Variants in ARID1A observed in about 807,000 individuals in gnomAD.
ARID1A encodes AT-rich interactive domain-containing protein 1A.
Under a neutral mutation model 212.6 loss-of-function variants are expected in ARID1A, and 20 were observed. The observed-to-expected ratio is 0.09, with a 90% CI of 0.07 to 0.14. The LOEUF (loss-of-function observed/expected upper bound fraction) is 0.14. ARID1A is among the 10% of genes least tolerant of loss of function. The probability of loss-of-function intolerance (pLI) is 1.00; values close to 1 mark genes in which losing one functional copy is unlikely to be tolerated. For missense variants in ARID1A, 2,587 were observed against 3,059.0 expected (o/e 0.85, Z 3.64); for synonymous variants, 1,376 against 1,222.1 (o/e 1.13, Z -2.63).
At chr1:26,699,197 T>G (rs538391429) in intron 1 of ARID1A, among the ~76,000 whole-genome samples, 1 of 152,252 alleles carries the variant, frequency 6.6e-6, no homozygotes, top group Non-Finnish European at 1.5e-5. Flanking sequence ...TTCCAAGATA[T>G]GAAGATACGA....
At chr1:26,738,715 C>T (rs1034929309) in intron 4 of ARID1A, among the ~76,000 whole-genome samples, 6 of 151,928 alleles carry the variant, frequency 3.9e-5, no homozygotes, top group Admixed American at 3.9e-4. Context: ...TGCGCCACCA[C>T]TCCCGGCTAG....
At chr1:26,707,824 C>T (rs2080407847) in intron 1 of ARID1A, among the ~76,000 whole-genome samples, 1 of 152,030 alleles carries the variant, frequency 6.6e-6, no homozygotes, top group Middle Eastern at 3.2e-3. Flanking sequence ...GAAATTTGCC[C>T]TAGGGAAAAT....
At chr1:26,730,825 A>G (rs558019510) in intron 2 of ARID1A, among the ~76,000 whole-genome samples, 4 of 152,238 alleles carry the variant, frequency 2.6e-5, no homozygotes, top group Non-Finnish European at 5.9e-5. Flanking sequence ...CCTAACACTT[A>G]TAAAAACAGT....
At chr1:26,734,376 C>CTACATGCCTTCTTT (rs2080709302) in intron 4 of ARID1A, among the ~76,000 whole-genome samples, 1 of 134,192 alleles carries the variant, frequency 7.5e-6, no homozygotes, top group Non-Finnish European at 1.5e-5. Flanking sequence ...CCTGAGAAGG[C>CTACATGCCTTCTTT]TTGTATCCAG....
At chr1:26,737,805 C>T (rs1371955102) in intron 4 of ARID1A, among the ~76,000 whole-genome samples, 1 of 150,640 alleles carries the variant, frequency 6.6e-6, no homozygotes, top group Non-Finnish European at 1.5e-5. Context: ...GCAGAGGTTG[C>T]GGTGAGCCAA....
chr1:26,698,553 C>A (rs751738548), intron 1 of ARID1A, among the ~76,000 whole-genome samples: 1 of 152,172 alleles, frequency 6.6e-6, no homozygotes, highest in Non-Finnish European at 1.5e-5. Context: ...GAGGCAATGG[C>A]ATTTTGCTTG....
chr1:26,734,452 G>A (rs2080710249), intron 4 of ARID1A, among the ~76,000 whole-genome samples: 1 of 151,772 alleles, frequency 6.6e-6, no homozygotes. Context: ...CTGAAGTGAA[G>A]GTGAAGGTGT....
intron 11 of ARID1A, 107 bp downstream of exon 11, chr1:26,768,106 C>T: frequency 3.2e-6 from 4 of 1,241,032 alleles, no homozygotes; most frequent in Non-Finnish European, 4.5e-6. Flanking sequence ...ACATCATCCC[C>T]TCTCCCGCTT....
intron 4 of ARID1A, among the ~76,000 whole-genome samples, chr1:26,736,948 A>C (rs1038436510): frequency 6.6e-6 from 1 of 152,006 alleles, no homozygotes; most frequent in Non-Finnish European, 1.5e-5. Context: ...AAGGCCTACA[A>C]AAACTATAAA....
At chr1:26,710,527 A>C (rs188197993) in intron 1 of ARID1A, among the ~76,000 whole-genome samples, 4 of 150,498 alleles carry the variant, frequency 2.7e-5, no homozygotes, top group African/African-American at 9.8e-5. Flanking sequence ...ACACACACAC[A>C]CCACTTGTTG....
chr1:26,772,410 C>T, intron 12 of ARID1A, 90 bp from the exon 13 acceptor site: 1 of 1,580,004 alleles, frequency 6.3e-7, no homozygotes. Flanking sequence ...AAGAACTTTC[C>T]CAAAGAGATT....
chr1:26,704,986 G>T (rs369297585), intron 1 of ARID1A, among the ~76,000 whole-genome samples: 1 of 152,234 alleles, frequency 6.6e-6, no homozygotes, highest in South Asian at 2.1e-4. Flanking sequence ...TTACCTGCTG[G>T]TCGATCTGTG....
intron 19 of ARID1A, among the ~76,000 whole-genome samples, chr1:26,777,001 C>T (rs2081142449): frequency 6.6e-6 from 1 of 152,138 alleles, no homozygotes; most frequent in Non-Finnish European, 1.5e-5. Context: ...TTTGACATCT[C>T]CCATTTACAC....
At chr1:26,710,643 C>T (rs1330711894) in intron 1 of ARID1A, among the ~76,000 whole-genome samples, 1 of 151,988 alleles carries the variant, frequency 6.6e-6, no homozygotes, top group Non-Finnish European at 1.5e-5. Context: ...TTGGCCAGTC[C>T]TATCGAATCC....
At chr1:26,711,484 C>G (rs550015969) in intron 1 of ARID1A, among the ~76,000 whole-genome samples, 1 of 152,074 alleles carries the variant, frequency 6.6e-6, no homozygotes, top group African/African-American at 2.4e-5. Flanking sequence ...TAATCTAACC[C>G]TAATTACCTC....
At chr1:26,722,525 G>A (rs1189128700) in intron 1 of ARID1A, among the ~76,000 whole-genome samples, 3 of 152,336 alleles carry the variant, frequency 2.0e-5, no homozygotes, top group South Asian at 4.1e-4. Flanking sequence ...GATTACATGC[G>A]TGAGTCACTG....
intron 1 of ARID1A, among the ~76,000 whole-genome samples, chr1:26,699,467 C>T (rs1458852915): frequency 6.6e-6 from 1 of 152,182 alleles, no homozygotes; most frequent in Non-Finnish European, 1.5e-5. Context: ...ATTCCCAGCC[C>T]ATCCTAGAGC....
chr1:26,725,590 A>G (rs1418586114), intron 1 of ARID1A, among the ~76,000 whole-genome samples: 1 of 152,200 alleles, frequency 6.6e-6, no homozygotes, highest in Admixed American at 6.5e-5. Flanking sequence ...AAATCTGACG[A>G]CCAGAAAAAG....
At chr1:26,725,881 G>GTGCGGTC (rs2080611840) in intron 1 of ARID1A, among the ~76,000 whole-genome samples, 1 of 140,794 alleles carries the variant, frequency 7.1e-6, no homozygotes, top group Non-Finnish European at 1.5e-5. Context: ...TTGAGACAGA[G>GTGCGGTC]TCCCACTCTG....
Sources: gnomAD v4.1 joint callset for allele counts (sites outside exome capture counted in the v4.1 genomes callset) on GRCh38, gnomAD v4.1.1 for gene constraint, MANE v1.5 for transcripts, NCBI Gene and HGNC (gene_info 2026-07-23, HGNC 2026-07-21) for gene names.